TCF25: variants seen among roughly 807,000 people sequenced by gnomAD.
TCF25 encodes ribosome quality control complex subunit TCF25.
In TCF25, 41 loss-of-function variants were observed where a neutral mutation model predicts 83.1. The ratio of observed to expected loss-of-function variants is 0.49; its 90% CI spans 0.38 to 0.64. The LOEUF (loss-of-function observed/expected upper bound fraction) is 0.64, where lower values mean the gene tolerates loss of function less well. Ranked by LOEUF, TCF25 falls within the 30% of genes least tolerant of loss-of-function variation. TCF25 has a pLI of 0.00. For synonymous variants in TCF25, 458 were observed against 365.0 expected (o/e 1.25, Z -2.90); for missense variants, 979 against 914.5 (o/e 1.07, Z -0.91).
Position 89,873,715 on chromosome 16 carries a change from G to T in TCF25, c.48G>T (p.Gln16His), listed in dbSNP as rs765427008. ...GGCTGAGGGGGGAACAGCGCGGCCA[G>T]GAGCCCCTCGGGCCCGGCGCCTTGC... is the stretch of plus-strand genomic sequence containing the variant. ...LRRLRGEQRG[Q>H]EPLGPGALHF... Residue 16 changes from glutamine to histidine, a missense_variant, in exon 1 of 18, where the codon CAG (glutamine) becomes CAT (histidine). By Grantham distance (24) the Gln-to-His change is conservative. Coordinates refer to ENST00000263346, the MANE Select transcript of TCF25 (RefSeq NM_014972.3). 1.2e-6 allele frequency: 2 copies of T among 1,610,120 alleles called. No homozygotes were observed.
At chr16:89,908,282 A>G (rs1229181564) in intron 16 of TCF25, among the ~76,000 whole-genome samples, 1 of 108,072 alleles carries the variant, frequency 9.3e-6, no homozygotes, top group African/African-American at 4.0e-5. Flanking sequence ...CCCTCCTCCC[A>G]GTTCCCACCT....
intron 1 of TCF25, among the ~76,000 whole-genome samples, chr16:89,880,499 A>G (rs1247207286): frequency 2.0e-5 from 3 of 151,844 alleles, no homozygotes; most frequent in Non-Finnish European, 4.4e-5. Flanking sequence ...CAGGAGAATC[A>G]CTTGAATCCG....
chr16:89,886,296 G>A (rs979949669), intron 4 of TCF25, among the ~76,000 whole-genome samples: 7 of 151,922 alleles, frequency 4.6e-5, no homozygotes, highest in African/African-American at 1.4e-4. Flanking sequence ...GCGTGGTAGC[G>A]GGCGCCTTAT....
At position 89,893,785 on chromosome 16, in the gene TCF25, A is replaced by C; in HGVS notation, c.755A>C (p.His252Pro). ...GGCCTCTCCTTCTTTGCGTTTGAGC[A>C]CAGTGAGGAGTACCAGCAGGCTCAG... ...KKGLSFFAFE[H>P]SEEYQQAQHK... Residue 252 changes from histidine to proline, a missense_variant, in exon 7 of 18, where the codon CAC (histidine) becomes CCC (proline). Transcript: ENST00000263346. 1 of 1,613,564 alleles carries C rather than the reference A, an allele frequency of 6.2e-7. No individual in the cohort carries two copies. Among genetic ancestry groups the C allele is most frequent in the East Asian group, 2.2e-5 (1 of 44,824 alleles).
At chr16:89,906,397 C>T in intron 15 of TCF25, 113 bp downstream of exon 15, 1 of 1,028,500 alleles carries the variant, frequency 9.7e-7, no homozygotes, top group South Asian at 1.4e-5. Flanking sequence ...CTCAGCAGCC[C>T]AGCCCCGCCA....
chr16:89,911,169 C>A lies in TCF25; in HGVS notation c.1962C>A (p.Ala654=). The change falls in exon 18 of 18, where the codon GCC becomes GCA. Residue 654 remains alanine, a synonymous_variant. Coordinates refer to ENST00000263346, the MANE Select transcript of TCF25 (RefSeq NM_014972.3). The part of the protein sequence containing the change: ...RLMLAVRDMM[A]NFHLNDLEAP... ...TGCTGGCTGTGCGCGACATGATGGC[C>A]AACTTCCACCTCAACGACCTGGAGG... The A allele has an allele frequency of 6.2e-7, 1 of 1,612,358 alleles. No individual in the cohort carries two copies. The highest frequency in any genetic ancestry group is 8.5e-7 in the Non-Finnish European group (1 of 1,179,982).
chr16:89,875,515 T>G (rs2042115552), intron 1 of TCF25, among the ~76,000 whole-genome samples: 4 of 62,136 alleles, frequency 6.4e-5, no homozygotes, highest in Non-Finnish European at 8.5e-5. Flanking sequence ...TGACGTGAGT[T>G]TTTTTTTTTT....
At chr16:89,890,555 G>C (rs1218196116) in intron 5 of TCF25, 1 of 152,128 alleles carries the variant, frequency 6.6e-6, no homozygotes, top group Non-Finnish European at 1.5e-5. Flanking sequence ...AACAGGTTTT[G>C]CTTTATATTT....
Position 89,895,101 on chromosome 16 carries a change from T to C in TCF25, c.892T>C (p.Phe298Leu). 1 of 1,613,196 alleles carries C rather than the reference T, an allele frequency of 6.2e-7. No individual in the cohort carries two copies. The highest frequency in any genetic ancestry group is 2.2e-5 in the East Asian group (1 of 44,868). ...CCTGCAGCTCAGCGATGCCTGCCGC[T>C]TTCAAGAGGATCAGGAGATGGCTCG... ...SLLQLSDACR[F>L]QEDQEMARDL... Residue 298 changes from phenylalanine to leucine, a missense_variant, in exon 8 of 18, where the codon TTT becomes CTT. By Grantham distance (22) the Phe-to-Leu change is conservative (BLOSUM62 0). Transcript: ENST00000263346.
chr16:89,883,548 G>A lies in TCF25; in HGVS notation c.354+36G>A, dbSNP rs185485576. 15,045 of 1,556,010 alleles carry A rather than the reference G, an allele frequency of 9.7e-3. 101 individuals carry two copies. Among genetic ancestry groups the A allele is most frequent in the Non-Finnish European group, 0.012 (13,399 of 1,148,418 alleles). On this transcript the variant is annotated intron_variant, in intron 2 of 17. Transcript: ENST00000263346. ...GAGTGGTGAGGAGGTGGCATCAGACGGGAGAGTTCCAAGGCACCCAGCCAC... is the reference window on the plus strand; with the variant it reads ...GAGTGGTGAGGAGGTGGCATCAGACAGGAGAGTTCCAAGGCACCCAGCCAC...
chr16:89,879,256 G>C (rs927379886), intron 1 of TCF25, among the ~76,000 whole-genome samples: 33 of 150,168 alleles, frequency 2.2e-4, no homozygotes, highest in African/African-American at 7.9e-4. Context: ...TGCACAGATG[G>C]GCTTCGGGGC....
chr16:89,887,422 A>C (rs1426128091), intron 4 of TCF25, among the ~76,000 whole-genome samples: 1 of 152,184 alleles, frequency 6.6e-6, no homozygotes, highest in Non-Finnish European at 1.5e-5. Flanking sequence ...CTCTTGACAC[A>C]GCACTCACCG....
rs535299478 is a variant in TCF25 at position 89,905,324 on chromosome 16, C to T, written c.1628+228C>T. Among the ~76,000 whole-genome samples, 195 of 152,298 alleles carry T rather than the reference C, an allele frequency of 1.3e-3. 8 individuals carry two copies. In the South Asian group the frequency reaches 0.037, roughly 29 times the overall value. On this transcript the variant is annotated intron_variant, in intron 14 of 17. Coordinates refer to ENST00000263346, the MANE Select transcript of TCF25 (RefSeq NM_014972.3). The stretch of plus-strand genomic sequence containing the variant: ...GCGCAGGGTACCGAGCTGCTGTTCC[C>T]GGGTGCCTCGGGCTGGAGTGGTGCC...
chr16:89,902,550 G>A (rs1419176579), intron 12 of TCF25, among the ~76,000 whole-genome samples: 1 of 147,806 alleles, frequency 6.8e-6, no homozygotes, highest in African/African-American at 2.4e-5. Context: ...TTAGCCGGGC[G>A]TGTTGGCCGG....
At chr16:89,892,431 A>T (rs2043502837) in intron 6 of TCF25, among the ~76,000 whole-genome samples, 156 bp downstream of exon 6, 3 of 152,082 alleles carry the variant, frequency 2.0e-5, no homozygotes, top group Non-Finnish European at 2.9e-5. Flanking sequence ...GCTGGGCACC[A>T]GGGGCGTCAG....
chr16:89,880,023 C>G (rs1041398925), intron 1 of TCF25, among the ~76,000 whole-genome samples: 31 of 150,670 alleles, frequency 2.1e-4, no homozygotes, highest in Non-Finnish European at 4.0e-4. Context: ...GCTCCTGAGC[C>G]CATCACACGT....
intron 1 of TCF25, among the ~76,000 whole-genome samples, chr16:89,880,329 A>G (rs1232286877): frequency 6.6e-6 from 1 of 152,376 alleles, no homozygotes; most frequent in African/African-American, 2.4e-5. Flanking sequence ...CACGCCTGTA[A>G]TCCCAGCACT....
At chr16:89,880,631 G>C (rs2042540428) in intron 1 of TCF25, among the ~76,000 whole-genome samples, 1 of 152,038 alleles carries the variant, frequency 6.6e-6, no homozygotes, top group South Asian at 2.1e-4. Flanking sequence ...GCGTGTGCCT[G>C]TAGTCCCAGC....
At chr16:89,878,398 C>T (rs997544783) in intron 1 of TCF25, 29 of 1,203,412 alleles carry the variant, frequency 2.4e-5, no homozygotes, top group East Asian at 6.2e-5. Context: ...CCAGCCTGGC[C>T]GACATGGTGA....
Sources: allele counts gnomAD v4.1 joint callset (sites outside exome capture counted in the v4.1 genomes callset), GRCh38; gene constraint gnomAD v4.1.1; transcripts MANE v1.5; gene names NCBI Gene and HGNC (gene_info 2026-07-23, HGNC 2026-07-21).